MITF: variants seen among roughly 807,000 people sequenced by gnomAD.
MITF encodes the protein melanocyte inducing transcription factor, also known as microphthalmia-associated transcription factor.
A neutral mutation model predicts 60.5 loss-of-function variants in MITF; 17 were observed. That is an observed-to-expected ratio of 0.28 (90% CI 0.19 to 0.42). The LOEUF (loss-of-function observed/expected upper bound fraction) is 0.42, where lower values mean the gene tolerates loss of function less well. Among genes scored for constraint, MITF ranks in the 10% least tolerant of loss-of-function variants. The pLI, the probability that MITF is intolerant of heterozygous loss-of-function variation, is 1.00. For synonymous variants in MITF, 260 were observed against 248.5 expected, an observed-to-expected ratio of 1.05 and a Z score of -0.43; for missense variants, 622 against 683.5, an observed-to-expected ratio of 0.91 and a Z score of 1.00.
intron 1 of MITF, chr3:69,763,818 A>G (rs776042943): frequency 3.1e-5 from 43 of 1,365,362 alleles, no homozygotes; most frequent in Non-Finnish European, 4.1e-5. Flanking sequence ...ATTCAGACCT[A>G]TTCCGCTCCA....
At chr3:69,916,353 C>G (rs1463852938) in intron 2 of MITF, among the ~76,000 whole-genome samples, 1 of 152,042 alleles carries the variant, frequency 6.6e-6, no homozygotes, top group Non-Finnish European at 1.5e-5. Flanking sequence ...ACATCTAAAG[C>G]TTTGGCATCT....
intron 2 of MITF, among the ~76,000 whole-genome samples, chr3:69,913,467 G>C (rs1235281440): frequency 6.6e-6 from 1 of 152,094 alleles, no homozygotes; most frequent in East Asian, 1.9e-4. Context: ...GATCTCATTT[G>C]CCTTTTTAGT....
In MITF at chr3:69,965,172, C is replaced by T. The variant is rs2107553421; in HGVS notation, c.1505C>T (p.Ser502Leu). 1 of 1,613,972 alleles carries T rather than the reference C, an allele frequency of 6.2e-7. No homozygotes were observed. The highest frequency in any genetic ancestry group is 8.5e-7 in the Non-Finnish European group (1 of 1,179,886). ...PVGVTDPLLS[S>L]VSPGASKTSS... Reference sequence around the variant, plus strand: ...GGTGTCACTGATCCACTCCTTTCCTCAGTGTCCCCCGGAGCTTCCAAAACA... The same window carrying T: ...GGTGTCACTGATCCACTCCTTTCCTTAGTGTCCCCCGGAGCTTCCAAAACA... Residue 502 changes from serine (S) to leucine (L), a missense_variant, in exon 10 of 10, where the codon TCA becomes TTA. Around this residue, in one of 5 missense-constraint regions of MITF, gnomAD observed 224 missense variants for 209.5 expected, o/e 1.07. Transcript: ENST00000352241.
At chr3:69,889,026 T>G (rs1174831985) in intron 2 of MITF, among the ~76,000 whole-genome samples, 6 of 69,070 alleles carry the variant, frequency 8.7e-5, no homozygotes, top group Non-Finnish European at 1.5e-4. Flanking sequence ...TAGCCTTTGG[T>G]TTTTTTTTTT....
chr3:69,826,338 G>C (rs1465180276), intron 1 of MITF, among the ~76,000 whole-genome samples: 1 of 152,144 alleles, frequency 6.6e-6, no homozygotes, highest in Non-Finnish European at 1.5e-5. Flanking sequence ...GGCATCTTTT[G>C]TTCATGATTA....
chr3:69,961,331 A>G (rs1280553514), intron 9 of MITF, among the ~76,000 whole-genome samples: 4 of 149,464 alleles, frequency 2.7e-5, no homozygotes, highest in African/African-American at 4.9e-5. Context: ...GCAGTGAGCC[A>G]AGATCGCGCC....
At chr3:69,741,093 G>C (rs922160766) in intron 1 of MITF, among the ~76,000 whole-genome samples, 1 of 152,216 alleles carries the variant, frequency 6.6e-6, no homozygotes, top group Non-Finnish European at 1.5e-5. Context: ...AGATTGGAAG[G>C]AAACCGCCTA....
At chr3:69,923,003 T>C (rs1248703029) in intron 2 of MITF, among the ~76,000 whole-genome samples, 2 of 152,194 alleles carry the variant, frequency 1.3e-5, no homozygotes, top group African/African-American at 2.4e-5. Context: ...TTGGGTAGCG[T>C]TTTGGTTTAA....
At chr3:69,791,477 C>T (rs1171922355) in intron 1 of MITF, among the ~76,000 whole-genome samples, 2 of 152,152 alleles carry the variant, frequency 1.3e-5, no homozygotes, top group Non-Finnish European at 2.9e-5. Flanking sequence ...CAAGCAAAAA[C>T]AACCATGTTT....
At chr3:69,788,383 G>T (rs2106904552) in intron 1 of MITF, among the ~76,000 whole-genome samples, 1 of 150,370 alleles carries the variant, frequency 6.7e-6, no homozygotes, top group East Asian at 2.0e-4. Context: ...AGAACATGCG[G>T]TGTTTGGTTT....
chr3:69,763,171 G>A (rs988834729), intron 1 of MITF, among the ~76,000 whole-genome samples: 7 of 152,034 alleles, frequency 4.6e-5, no homozygotes, highest in Admixed American at 6.5e-5. Flanking sequence ...TTTCCAATAT[G>A]ATATCTTATG....
intron 1 of MITF, among the ~76,000 whole-genome samples, chr3:69,863,932 C>T (rs1289459188): frequency 6.6e-6 from 1 of 152,102 alleles, no homozygotes; most frequent in East Asian, 1.9e-4. Flanking sequence ...ATTTCTTGCT[C>T]TTCCACTTTC....
rs1352087108 is a variant in MITF at position 69,926,571 on chromosome 3, A to C, written c.355-11251A>C. Among the ~76,000 whole-genome samples, 6 of 152,272 alleles carry C rather than the reference A, an allele frequency of 3.9e-5. No homozygotes were observed. The East Asian group carries it at 1.2e-3, about 29-fold the overall frequency. On this transcript the variant is annotated intron_variant, in intron 2 of 9. Transcript: ENST00000352241. Reference sequence around the variant, plus strand: ...GGGGGCATTTGAGGGGGGAAATGGTACAACAAAAAGACGTCTGCGATTCTG... The same window carrying C: ...GGGGGCATTTGAGGGGGGAAATGGTCCAACAAAAAGACGTCTGCGATTCTG...
intron 2 of MITF, among the ~76,000 whole-genome samples, chr3:69,923,293 T>C (rs776452396): frequency 1.3e-5 from 2 of 152,184 alleles, no homozygotes; most frequent in Non-Finnish European, 2.9e-5. Context: ...AATAAGTGAA[T>C]CCATTGAAAA....
chr3:69,777,813 A>C (rs2062498706), intron 1 of MITF, among the ~76,000 whole-genome samples: 1 of 152,122 alleles, frequency 6.6e-6, no homozygotes, highest in South Asian at 2.1e-4. Flanking sequence ...AGATAAATTC[A>C]AGTTCAGTAT....
rs528200391 is a variant in MITF, at chr3:69,886,021, G to T, written c.354+6638G>T. 4.6e-5 allele frequency among the ~76,000 whole-genome samples: 7 copies of T among 152,188 alleles called. No homozygotes were observed. In the South Asian group the frequency reaches 1.5e-3, roughly 32 times the overall value. ...GAACTGTCACAGAGGGGTCAACTAGGTCATCAGAAAGTCACCCAAGTAGGT... is the reference window on the plus strand; with the variant it reads ...GAACTGTCACAGAGGGGTCAACTAGTTCATCAGAAAGTCACCCAAGTAGGT... On this transcript the variant is annotated intron_variant, in intron 2 of 9. Transcript: ENST00000352241.
intron 1 of MITF, among the ~76,000 whole-genome samples, chr3:69,789,531 G>T (rs574593402): frequency 6.6e-6 from 1 of 152,076 alleles, no homozygotes; most frequent in African/African-American, 2.4e-5. Flanking sequence ...GTGCACTGTT[G>T]GTGGGATTGT....
intron 1 of MITF, chr3:69,769,606 C>T (rs1475017690): frequency 6.6e-6 from 1 of 152,078 alleles, no homozygotes; most frequent in Non-Finnish European, 1.5e-5. Flanking sequence ...GGCTGGTTTA[C>T]CCTTCTTTAT....
intron 2 of MITF, among the ~76,000 whole-genome samples, chr3:69,927,955 C>G (rs890592759): frequency 6.6e-6 from 1 of 152,160 alleles, no homozygotes; most frequent in Non-Finnish European, 1.5e-5. Context: ...GGCTGAAAAA[C>G]TTTATCTATA....
Sources: gnomAD v4.1 joint callset for allele counts (sites outside exome capture counted in the v4.1 genomes callset) on GRCh38, gnomAD v4.1.1 for gene constraint, gnomAD v4.1.1 regional missense constraint, MANE v1.5 for transcripts, NCBI Gene and HGNC (gene_info 2026-07-23, HGNC 2026-07-21) for gene names.